Variants in ACAD10 observed in about 807,000 individuals in gnomAD.
The protein encoded by ACAD10 is acyl-CoA dehydrogenase family member 10, also known as ACAD-10.
In ACAD10, 112 loss-of-function variants were observed where a neutral mutation model predicts 116.8. The observed-to-expected ratio is 0.96, with a 90% CI of 0.82 to 1.12. ACAD10 has a LOEUF of 1.12. Among genes scored for constraint, ACAD10 ranks in the 50% most tolerant of loss-of-function variants. The probability of loss-of-function intolerance (pLI) is 0.00; values close to 1 mark genes in which losing one functional copy is unlikely to be tolerated. For synonymous variants in ACAD10, 486 were observed against 510.6 expected (o/e 0.95, Z 0.65); for missense variants, 1,259 against 1,350.2 (o/e 0.93, Z 1.06).
chr12:111,730,334 C>T (rs1889350952), intron 10 of ACAD10, among the ~76,000 whole-genome samples: 1 of 152,084 alleles, frequency 6.6e-6, no homozygotes, highest in Non-Finnish European at 1.5e-5. Context: ...GAGTCTATGG[C>T]CATACCACCC....
intron 8 of ACAD10, among the ~76,000 whole-genome samples, chr12:111,727,719 GT>G (rs1191034468): frequency 1.3e-5 from 2 of 152,102 alleles, no homozygotes; most frequent in Admixed American, 6.6e-5. Context: ...GCATGTGTGT[GT>G]GTGCACGTGT....
chr12:111,714,252 A>G (rs1168873122), intron 6 of ACAD10, among the ~76,000 whole-genome samples: 1 of 151,886 alleles, frequency 6.6e-6, no homozygotes, highest in Non-Finnish European at 1.5e-5. Context: ...CTCCAAAAAA[A>G]AAAAAAAAAG....
chr12:111,698,789 T>C (rs1481617194), intron 2 of ACAD10, among the ~76,000 whole-genome samples: 3 of 152,196 alleles, frequency 2.0e-5, no homozygotes, highest in African/African-American at 7.2e-5. Context: ...CATAACCGTT[T>C]ATCTGTTACA....
At chr12:111,743,303 G>C (rs529117289) in intron 12 of ACAD10, among the ~76,000 whole-genome samples, 1 of 151,904 alleles carries the variant, frequency 6.6e-6, no homozygotes, top group African/African-American at 2.4e-5. Context: ...GGGTGCTGGG[G>C]ATCAGGGGGG....
At chr12:111,706,586 A>G (rs2135953628) in intron 4 of ACAD10, among the ~76,000 whole-genome samples, 1 of 151,892 alleles carries the variant, frequency 6.6e-6, no homozygotes, top group South Asian at 2.1e-4. Flanking sequence ...AGTAGCTGGA[A>G]TTACAGATGT....
chr12:111,754,019 C>T, intron 19 of ACAD10, 104 bp downstream of exon 19: 1 of 1,427,414 alleles, frequency 7.0e-7, no homozygotes. Flanking sequence ...CTTTATTTCA[C>T]CTCTACTTGG....
intron 3 of ACAD10, among the ~76,000 whole-genome samples, chr12:111,705,157 A>G (rs1278999422): frequency 6.6e-6 from 1 of 152,158 alleles, no homozygotes; most frequent in Non-Finnish European, 1.5e-5. Flanking sequence ...ATTTCACTGT[A>G]TCCTCTTATG....
intron 10 of ACAD10, among the ~76,000 whole-genome samples, chr12:111,732,398 A>C (rs1023019181): frequency 5.3e-5 from 8 of 152,220 alleles, no homozygotes; most frequent in Non-Finnish European, 1.0e-4. Context: ...AAATAATTGA[A>C]AGAACACTAT....
At chr12:111,749,582 G>A in intron 18 of ACAD10, 1 of 553,306 alleles carries the variant, frequency 1.8e-6, no homozygotes, top group Non-Finnish European at 3.1e-6. Context: ...GCCAGGCTCT[G>A]TAGCAGCAGA....
At chr12:111,722,823 C>G (rs1037305172) in intron 8 of ACAD10, among the ~76,000 whole-genome samples, 1 of 152,204 alleles carries the variant, frequency 6.6e-6, no homozygotes, top group African/African-American at 2.4e-5. Context: ...ATTTCTCAAT[C>G]TTTTCCCCAC....
At chr12:111,733,758 G>C in intron 10 of ACAD10, 165 bp from the exon 11 acceptor site, 3 of 732,090 alleles carry the variant, frequency 4.1e-6, no homozygotes, top group South Asian at 1.8e-5. Context: ...GGAAGCCAGA[G>C]GGCAAGGGAG....
At chr12:111,736,598 T>C (rs551570838) in intron 11 of ACAD10, among the ~76,000 whole-genome samples, 1 of 152,334 alleles carries the variant, frequency 6.6e-6, no homozygotes, top group African/African-American at 2.4e-5. Context: ...TTCCTTCCTT[T>C]ACTGCCAGTT....
intron 4 of ACAD10, among the ~76,000 whole-genome samples, chr12:111,707,056 G>A (rs1004992659): frequency 1.4e-4 from 21 of 151,574 alleles, no homozygotes; most frequent in Admixed American, 2.0e-4. Context: ...GGGATTACAG[G>A]CATGAGCCAT....
chr12:111,696,946 T>A (rs1490424074), intron 2 of ACAD10, among the ~76,000 whole-genome samples: 2 of 152,200 alleles, frequency 1.3e-5, no homozygotes, highest in East Asian at 3.9e-4. Flanking sequence ...CCAGGCGTGG[T>A]GGCAGGTGCC....
chr12:111,710,779 G>A lies in ACAD10; in HGVS notation c.690+1095G>A, dbSNP rs369104520. ...AAAGATTCACGGCCTCACCACGCCCGGCCGTGAATCTTTTTTGAGATGAGG... is the reference window on the plus strand; with the variant it reads ...AAAGATTCACGGCCTCACCACGCCCAGCCGTGAATCTTTTTTGAGATGAGG... On this transcript the variant is annotated intron_variant, in intron 5 of 20. Transcript: ENST00000313698. Among the ~76,000 whole-genome samples, 7 of 152,024 alleles carry A rather than the reference G, an allele frequency of 4.6e-5. No homozygotes were observed. In the South Asian group the frequency reaches 1.0e-3, roughly 23 times the overall value.
At chr12:111,697,938 CTTTT>C (rs1182061843) in intron 2 of ACAD10, among the ~76,000 whole-genome samples, 1 of 126,416 alleles carries the variant, frequency 7.9e-6, no homozygotes, top group Non-Finnish European at 1.7e-5. Flanking sequence ...GAGGTTGCGC[CTTTT>C]TTTTTTTTTT....
intron 14 of ACAD10, among the ~76,000 whole-genome samples, 176 bp downstream of exon 14, chr12:111,746,460 G>A (rs1346048554): frequency 4.0e-5 from 6 of 151,644 alleles, no homozygotes; most frequent in Admixed American, 6.6e-5. Flanking sequence ...AAATCTTGGC[G>A]CACTGCAACC....
chr12:111,715,769 C>T (rs1251463322), intron 6 of ACAD10, 52 bp from the exon 7 acceptor site: 3 of 1,611,776 alleles, frequency 1.9e-6, no homozygotes, highest in Non-Finnish European at 2.5e-6. Flanking sequence ...AATGTCTGCT[C>T]AGATCTGTCC....
chr12:111,755,119 G>A (rs1890173057), intron 19 of ACAD10, among the ~76,000 whole-genome samples: 1 of 151,864 alleles, frequency 6.6e-6, no homozygotes, highest in African/African-American at 2.4e-5. Flanking sequence ...TTTTGTTTTT[G>A]AGAGACAGAG....
Sources: gnomAD v4.1 joint callset for allele counts (sites outside exome capture counted in the v4.1 genomes callset) on GRCh38, gnomAD v4.1.1 for gene constraint, MANE v1.5 for transcripts, NCBI Gene and HGNC (gene_info 2026-07-23, HGNC 2026-07-21) for gene names.